The following UTP25 variants were observed in gnomAD, a reference collection of about 807,000 sequenced individuals.
UTP25 encodes UTP25 small subunit processome component.
Under a neutral mutation model 78.9 loss-of-function variants are expected in UTP25, and 50 were observed. The ratio of observed to expected loss-of-function variants is 0.63; its 90% CI spans 0.50 to 0.80. The LOEUF (loss-of-function observed/expected upper bound fraction) is 0.80. UTP25 is among the 30% of genes least tolerant of loss of function. The pLI is 0.00. For missense variants in UTP25, 846 were observed against 911.3 expected, an observed-to-expected ratio of 0.93 and a Z score of 0.92; for synonymous variants, 329 against 336.5, an observed-to-expected ratio of 0.98 and a Z score of 0.24.
At position 209,856,356 on chromosome 1, in the gene UTP25, A is replaced by AAGCACTAACTACTG. The variant is rs2078275902; in HGVS notation, c.*4914_*4927dup. Reference sequence around the variant, plus strand: ...CAGTAAAATGTGGCCCATGAGACAGAAGCACTAACTACTGAGCAGGACTTC... The same window carrying AAGCACTAACTACTG: ...CAGTAAAATGTGGCCCATGAGACAGAAGCACTAACTACTGAGCACTAACTACTGAGCAGGACTTC... On this transcript the variant is annotated 3_prime_UTR_variant, in exon 12 of 12. Coordinates refer to ENST00000491415, the MANE Select transcript of UTP25 (RefSeq NM_014388.7). 6.6e-6 allele frequency: 1 copy of AAGCACTAACTACTG among 152,260 alleles called. No homozygotes were observed. The highest frequency in any genetic ancestry group is 2.4e-5 in the African/African-American group (1 of 41,462). 9.4% of individuals were successfully genotyped at this position (152,260 alleles called of 1,614,324 possible). A position where few individuals can be genotyped will look rare whatever the true frequency, so the allele number is the denominator to read the frequency against.
At chr1:209,845,069 A>G (rs2078190171) in intron 11 of UTP25, among the ~76,000 whole-genome samples, 1 of 152,236 alleles carries the variant, frequency 6.6e-6, no homozygotes, top group South Asian at 2.1e-4. Flanking sequence ...AGTTTATGCT[A>G]AAACGATTAG....
chr1:209,840,065 C>T (rs1285621118), intron 7 of UTP25, among the ~76,000 whole-genome samples: 1 of 152,132 alleles, frequency 6.6e-6, no homozygotes, highest in Admixed American at 6.5e-5. Flanking sequence ...CTTGGAATGA[C>T]CTATGATTCA....
chr1:209,842,861 G>A (rs2078175594), intron 10 of UTP25, 166 bp downstream of exon 10: 1 of 613,124 alleles, frequency 1.6e-6, no homozygotes, highest in African/African-American at 1.8e-5. Context: ...CTGAAGCACA[G>A]AGAGAAATAG....
chr1:209,831,064 C>T (rs1294099791), intron 3 of UTP25, 21 bp downstream of exon 3: 1 of 1,613,078 alleles, frequency 6.2e-7, no homozygotes. Flanking sequence ...TTACTATAGG[C>T]TCATCATCTT....
chr1:209,838,861 C>T, intron 6 of UTP25, 48 bp from the exon 7 acceptor site: 1 of 1,595,072 alleles, frequency 6.3e-7, no homozygotes, highest in Non-Finnish European at 8.6e-7. Flanking sequence ...CCTCAAGATC[C>T]TGTTCCTTCC....
intron 11 of UTP25, among the ~76,000 whole-genome samples, chr1:209,846,499 C>G (rs2078197496): frequency 6.6e-6 from 1 of 152,168 alleles, no homozygotes; most frequent in South Asian, 2.1e-4. Context: ...ACTCCCTTCC[C>G]CTACAGGAGA....
At chr1:209,831,992 A>ATT (rs35262345) in intron 3 of UTP25, among the ~76,000 whole-genome samples, 5 of 148,400 alleles carry the variant, frequency 3.4e-5, no homozygotes, top group Admixed American at 1.3e-4. Context: ...TTATAGCCTT[A>ATT]TTTTTTTTTT....
intron 11 of UTP25, 30 bp from the exon 12 acceptor site, chr1:209,851,174 G>C (rs945157516): frequency 6.3e-7 from 1 of 1,593,470 alleles, no homozygotes; most frequent in Admixed American, 1.8e-5. Flanking sequence ...TTCTCAAGTT[G>C]ACATAGCTCT....
rs771000750 is a variant in UTP25 at position 209,842,191 on chromosome 1, G to A, written c.1486-74G>A. On this transcript the variant is annotated intron_variant, in intron 8 of 11. Transcript: ENST00000491415. Reference sequence around the variant, plus strand: ...TGATAGTACATGAGTTGATAGACTCGGAAAATGTTTAGCAATGTCCAACAT... The same window carrying A: ...TGATAGTACATGAGTTGATAGACTCAGAAAATGTTTAGCAATGTCCAACAT... The A allele has an allele frequency of 3.1e-4, 456 of 1,479,316 alleles. 1 individual carries two copies. The highest frequency in any genetic ancestry group is 2.2e-4 in the Non-Finnish European group (236 of 1,074,756). 91.6% of individuals were successfully genotyped at this position (1,479,316 alleles called of 1,614,324 possible).
Position 209,855,858 on chromosome 1 carries a change from T to A in UTP25, c.*4411T>A, listed in dbSNP as rs1275131187. The A allele has an allele frequency of 6.6e-6, 1 of 152,342 alleles. No homozygotes were observed. Among genetic ancestry groups the A allele is most frequent in the Non-Finnish European group, 1.5e-5 (1 of 68,128 alleles). The allele number at this position is 152,342 out of a possible 1,614,324, so 9.4% of individuals were successfully genotyped here. ...CTCCCAGCTGAGCCAAGGCCAAAGC[T>A]GTCTACCTTTTGCCAACCTAAGGAA... On this transcript the variant is annotated 3_prime_UTR_variant, in exon 12 of 12. Coordinates refer to ENST00000491415, the MANE Select transcript of UTP25 (RefSeq NM_014388.7).
Position 209,852,032 on chromosome 1 carries a change from TTA to T in UTP25, c.*586_*587del, listed in dbSNP as rs1329546023. 1.3e-5 allele frequency: 2 copies of T among 152,242 alleles called. No homozygotes were observed. The highest frequency in any genetic ancestry group is 4.8e-5 in the African/African-American group (2 of 41,464). The allele number at this position is 152,242 out of a possible 1,614,324, so 9.4% of individuals were successfully genotyped here. A position where few individuals can be genotyped will look rare whatever the true frequency, so the allele number is the denominator to read the frequency against. On this transcript the variant is annotated 3_prime_UTR_variant, in exon 12 of 12. Transcript: ENST00000491415. Reference sequence around the variant, plus strand: ...TTTCATATTCATAATACTAAATGTTTTAGTTTTGTTCAAATATATGCTTAAAA... The same window carrying T: ...TTTCATATTCATAATACTAAATGTTTGTTTTGTTCAAATATATGCTTAAAA...
At position 209,828,401 on chromosome 1, in the gene UTP25, A is replaced by AT. The variant is rs71571917; in HGVS notation, c.107+247dup. ...AGGCACGCCCGTTGTGTGGGGGAGG[A>AT]TTTTTTTTTTTTTTTTAAGACGGTG... On this transcript the variant is annotated intron_variant, in intron 1 of 11. Transcript: ENST00000491415. 2.5e-3 allele frequency among the ~76,000 whole-genome samples: 341 copies of AT among 136,380 alleles called. 2 individuals are homozygous for AT. The highest frequency in any genetic ancestry group is 5.8e-3 in the East Asian group (27 of 4,682). 89.5% of individuals were successfully genotyped at this position (136,380 alleles called of 152,430 possible). A position where few individuals can be genotyped will look rare whatever the true frequency, so the allele number is the denominator to read the frequency against.
chr1:209,829,792 G>T (rs751041302), intron 1 of UTP25, among the ~76,000 whole-genome samples: 17 of 152,238 alleles, frequency 1.1e-4, no homozygotes, highest in Middle Eastern at 3.4e-3. Context: ...AGCTTAGAGG[G>T]ACATTCTAAT....
chr1:209,840,975 T>G lies in UTP25; in HGVS notation c.1405T>G (p.Phe469Val), dbSNP rs1358997793. 3 of 1,613,968 alleles carry G rather than the reference T, an allele frequency of 1.9e-6. No homozygotes were observed. Among genetic ancestry groups the G allele is most frequent in the Non-Finnish European group, 2.5e-6 (3 of 1,179,984 alleles). Residue 469 changes from phenylalanine to valine, a missense_variant, in exon 8 of 12, where the codon TTT (phenylalanine) becomes GTT (valine). Coordinates refer to ENST00000491415, the MANE Select transcript of UTP25 (RefSeq NM_014388.7). Reference sequence around the variant, plus strand: ...TGGAGAAGGAGAGAAGAAGAGAGATTTTGACTTTCTGTCTTCTATCGAGCT... The same window carrying G: ...TGGAGAAGGAGAGAAGAAGAGAGATGTTGACTTTCTGTCTTCTATCGAGCT... ...IGGEGEKKRD[F>V]DFLSSIELLI...
intron 11 of UTP25, among the ~76,000 whole-genome samples, chr1:209,849,581 A>G (rs1326547505): frequency 6.6e-6 from 1 of 151,968 alleles, no homozygotes; most frequent in Non-Finnish European, 1.5e-5. Context: ...TTTCACGATA[A>G]TGGGCCTGGG....
In UTP25 at chr1:209,848,141, G is replaced by A. The variant is rs186679195; in HGVS notation, c.2028-3063G>A. Among the ~76,000 whole-genome samples the A allele has an allele frequency of 2.6e-5, 4 of 152,232 alleles. No homozygotes were observed. The East Asian group carries it at 5.8e-4, about 22-fold the overall frequency. On this transcript the variant is annotated intron_variant, in intron 11 of 11. Coordinates refer to ENST00000491415, the MANE Select transcript of UTP25 (RefSeq NM_014388.7). ...ATTAAATCGCAGTGTCTGGGATGGG[G>A]ACCAAACCTAAGTATTAATAAAAAA...
At chr1:209,838,613 A>T (rs1419234335) in intron 6 of UTP25, among the ~76,000 whole-genome samples, 1 of 152,176 alleles carries the variant, frequency 6.6e-6, no homozygotes, top group Admixed American at 6.5e-5. Flanking sequence ...TTACTGGTAG[A>T]CGTATCTGTT....
chr1:209,839,253 C>A (rs2102574482), intron 7 of UTP25, 125 bp downstream of exon 7: 1 of 900,262 alleles, frequency 1.1e-6, no homozygotes, highest in Non-Finnish European at 1.7e-6. Context: ...AACCAGTGTG[C>A]CTTTGAGACA....
chr1:209,843,549 T>C lies in UTP25; in HGVS notation c.1880T>C (p.Leu627Pro). The C allele has an allele frequency of 1.2e-6, 2 of 1,614,208 alleles. No individual in the cohort carries two copies. Among genetic ancestry groups the C allele is most frequent in the Non-Finnish European group, 1.7e-6 (2 of 1,180,024 alleles). ...CCCTCCTACTTTGACTTCGTGCGTCTTCGAAATTACTTCAAGAAGGAGGAA... is the reference window on the plus strand; with the variant it reads ...CCCTCCTACTTTGACTTCGTGCGTCCTCGAAATTACTTCAAGAAGGAGGAA... ...YIPSYFDFVR[L>P]RNYFKKEELN... The change falls in exon 11 of 12, where the codon CTT becomes CCT. Residue 627 changes from leucine (L) to proline (P), a missense_variant. Transcript: ENST00000491415.
Sources: gnomAD v4.1 joint callset for allele counts (sites outside exome capture counted in the v4.1 genomes callset) on GRCh38, gnomAD v4.1.1 for gene constraint, MANE v1.5 for transcripts, NCBI Gene and HGNC (gene_info 2026-07-23, HGNC 2026-07-21) for gene names.